The following PLB1 variants were observed in gnomAD, a reference collection of about 807,000 sequenced individuals.
PLB1 encodes phospholipase B1, membrane-associated.
A neutral mutation model predicts 227.4 loss-of-function variants in PLB1; 242 were observed. The ratio of observed to expected loss-of-function variants is 1.06; its 90% CI spans 0.96 to 1.18. The LOEUF (loss-of-function observed/expected upper bound fraction) is 1.18, where lower values mean the gene tolerates loss of function less well. PLB1 is among the 50% of genes most tolerant of loss of function. The pLI, the probability that PLB1 is intolerant of heterozygous loss-of-function variation, is 0.00. For missense variants in PLB1, 1,858 were observed against 1,816.3 expected (o/e 1.02, Z -0.42); for synonymous variants, 757 against 682.2 (o/e 1.11, Z -1.71).
intron 4 of PLB1, among the ~76,000 whole-genome samples, chr2:28,524,764 A>G (rs1236676207): frequency 1.3e-5 from 2 of 151,762 alleles, no homozygotes; most frequent in Non-Finnish European, 2.9e-5. Context: ...TCTGACAAAC[A>G]TGCTGCAGAG....
chr2:28,499,594 G>A (rs1022614611), intron 1 of PLB1, among the ~76,000 whole-genome samples: 1 of 151,502 alleles, frequency 6.6e-6, no homozygotes, highest in African/African-American at 2.4e-5. Flanking sequence ...AGTTCAAAAG[G>A]AAAATGTTAA....
Position 28,626,519 on chromosome 2 carries a change from G to T in PLB1, c.3660+11G>T, listed in dbSNP as rs770870766. 1 of 1,611,802 alleles carries T rather than the reference G, an allele frequency of 6.2e-7. No individual in the cohort carries two copies. Among genetic ancestry groups the T allele is most frequent in the South Asian group, 1.1e-5 (1 of 91,044 alleles). ...TACTGTGAGAATCCGGTAGGCCCCCGACCAACCCCATGGGGACCTGAGAAG... is the reference window on the plus strand; with the variant it reads ...TACTGTGAGAATCCGGTAGGCCCCCTACCAACCCCATGGGGACCTGAGAAG... On this transcript the variant is annotated intron_variant, in intron 51 of 57. Transcript: ENST00000327757.
Position 28,516,834 on chromosome 2 carries a change from A to G in PLB1, c.82A>G (p.Arg28Gly). ...QGTPQIHTSP[R>G]KSTLEGQLWP... Reference sequence around the variant, plus strand: ...GACCCCTCAGATCCATACCTCTCCTAGAAAGAGTACATTGGAAGGGCAGCT... The same window carrying G: ...GACCCCTCAGATCCATACCTCTCCTGGAAAGAGTACATTGGAAGGGCAGCT... The change falls in exon 2 of 58, where the codon AGA becomes GGA. Residue 28 changes from arginine (R) to glycine (G), a missense_variant. Physicochemically the swap from Arg to Gly is moderately radical, Grantham distance 125 (BLOSUM62 -2). Coordinates refer to ENST00000327757, the MANE Select transcript of PLB1 (RefSeq NM_153021.5). 1.2e-6 allele frequency: 2 copies of G among 1,613,936 alleles called. No homozygotes were observed. The highest frequency in any genetic ancestry group is 1.7e-6 in the Non-Finnish European group (2 of 1,179,818).
chr2:28,613,639 A>G (rs1465075108), intron 43 of PLB1, among the ~76,000 whole-genome samples: 1 of 152,228 alleles, frequency 6.6e-6, no homozygotes, highest in Admixed American at 6.5e-5. Context: ...CATTACAGAT[A>G]CTCAAATATA....
chr2:28,533,813 A>T (rs960753661), intron 9 of PLB1, among the ~76,000 whole-genome samples: 11 of 152,172 alleles, frequency 7.2e-5, no homozygotes, highest in African/African-American at 2.4e-4. Context: ...GCATGCTTTC[A>T]TGTATTTATG....
chr2:28,623,125 A>G (rs1182545253), intron 49 of PLB1, among the ~76,000 whole-genome samples: 1 of 152,210 alleles, frequency 6.6e-6, no homozygotes, highest in Non-Finnish European at 1.5e-5. Flanking sequence ...CCCAGAAGGG[A>G]CCCCTGAAAT....
At position 28,589,880 on chromosome 2, in the gene PLB1, C is replaced by A. The variant is rs144444183; in HGVS notation, c.2016+110C>A. 3.0e-6 allele frequency: 4 copies of A among 1,352,732 alleles called. No individual in the cohort carries two copies. In the African/African-American group the frequency reaches 5.8e-5, roughly 19 times the overall value. 83.8% of individuals were successfully genotyped at this position (1,352,732 alleles called of 1,614,324 possible). On this transcript the variant is annotated intron_variant, in intron 28 of 57. Transcript: ENST00000327757. Reference sequence around the variant, plus strand: ...CGTGCAGGCCATGTGATTCTATGCACGGCAATGACAAACAAACCCCATCTC... The same window carrying A: ...CGTGCAGGCCATGTGATTCTATGCAAGGCAATGACAAACAAACCCCATCTC...
rs781328044 is a variant in PLB1 at position 28,582,441 on chromosome 2, G to A, written c.1669G>A (p.Glu557Lys). The A allele has an allele frequency of 5.6e-6, 9 of 1,613,266 alleles. No homozygotes were observed. Among genetic ancestry groups the A allele is most frequent in the Admixed American group, 1.7e-5 (1 of 59,958 alleles). Residue 557 changes from glutamate to lysine, a missense_variant, in exon 25 of 58, where the codon GAG (glutamate) becomes AAG (lysine). By Grantham distance (56) the Glu-to-Lys change is moderately conservative. Coordinates refer to ENST00000327757, the MANE Select transcript of PLB1 (RefSeq NM_153021.5). ...RAFVNLVTVL[E>K]IVNLRELYQE... ...ATTTGTGAACCTGGTGACGGTGCTT[G>A]AGATCGTCAACCTGAGGGAGCTGTA...
intron 44 of PLB1, among the ~76,000 whole-genome samples, chr2:28,614,915 G>A (rs369049727): frequency 6.6e-6 from 1 of 152,158 alleles, no homozygotes; most frequent in African/African-American, 2.4e-5. Context: ...GATGGATCCC[G>A]GCCCTCACGT....
At chr2:28,592,580 A>G in intron 31 of PLB1, 81 bp from the exon 32 acceptor site, 5 of 1,398,686 alleles carry the variant, frequency 3.6e-6, no homozygotes, top group South Asian at 2.3e-5. Context: ...TGTGTTTTGG[A>G]TCTTGCTTGA....
intron 15 of PLB1, among the ~76,000 whole-genome samples, chr2:28,549,265 G>C (rs1245117740): frequency 6.6e-6 from 1 of 152,148 alleles, no homozygotes; most frequent in Non-Finnish European, 1.5e-5. Flanking sequence ...TGGCAAAGAA[G>C]GGAGGGATGG....
intron 31 of PLB1, 106 bp from the exon 32 acceptor site, chr2:28,592,555 A>C (rs1419047595): frequency 9.1e-7 from 1 of 1,099,578 alleles, no homozygotes; most frequent in Admixed American, 1.7e-5. Flanking sequence ...GCATGGCCCC[A>C]GTGCTCATGC....
intron 20 of PLB1, among the ~76,000 whole-genome samples, chr2:28,568,880 C>T (rs1171158151): frequency 6.6e-6 from 1 of 152,200 alleles, no homozygotes; most frequent in Admixed American, 6.5e-5. Flanking sequence ...TGGTTCCTCC[C>T]TATGATATTC....
chr2:28,629,475 C>T (rs763728214), intron 53 of PLB1, among the ~76,000 whole-genome samples: 6 of 152,222 alleles, frequency 3.9e-5, no homozygotes, highest in Non-Finnish European at 5.9e-5. Context: ...AACCTTGGCA[C>T]GCTGCTCCCT....
At chr2:28,575,318 G>C (rs1261799619) in intron 21 of PLB1, among the ~76,000 whole-genome samples, 1 of 152,054 alleles carries the variant, frequency 6.6e-6, no homozygotes, top group Non-Finnish European at 1.5e-5. Context: ...CTTCTTTTTA[G>C]AATTGACCAT....
intron 6 of PLB1, among the ~76,000 whole-genome samples, chr2:28,527,402 CCAG>C (rs1670414947): frequency 6.6e-6 from 1 of 152,196 alleles, no homozygotes; most frequent in South Asian, 2.1e-4. Context: ...GGTGGCTGAG[CCAG>C]CAGGAGGAGC....
intron 1 of PLB1, among the ~76,000 whole-genome samples, chr2:28,516,235 G>A (rs1003206084): frequency 7.9e-5 from 12 of 152,078 alleles, no homozygotes; most frequent in African/African-American, 2.7e-4. Context: ...AGTAAGCTGG[G>A]ACAAGGACAG....
At chr2:28,550,869 TC>T (rs1435321671) in intron 16 of PLB1, among the ~76,000 whole-genome samples, 3 of 152,090 alleles carry the variant, frequency 2.0e-5, no homozygotes, top group Non-Finnish European at 2.9e-5. Flanking sequence ...ATCCTGGAAC[TC>T]CCGCTGCCCC....
In PLB1 at chr2:28,562,540, C is replaced by CAAAAAAAAAAAAAAAAAAAAAAAAA. The variant is rs60393903; in HGVS notation, c.1148-482_1148-481insAAAAAAAAAAAAAAAAAAAAAAAAA. Among the ~76,000 whole-genome samples, 5 of 42,600 alleles carry CAAAAAAAAAAAAAAAAAAAAAAAAA rather than the reference C, an allele frequency of 1.2e-4. 1 individual carries two copies. The highest frequency in any genetic ancestry group is 1.1e-4 in the African/African-American group (1 of 9,014). The allele number at this position is 42,600 out of a possible 152,430, so 27.9% of individuals were successfully genotyped here. ...CTGGAGACAGAGCAAGACTCTGTCT[C>CAAAAAAAAAAAAAAAAAAAAAAAAA]AAAAAAAAAAAAAAAAAAAGTCAGT... On this transcript the variant is annotated intron_variant, in intron 17 of 57. Coordinates refer to ENST00000327757, the MANE Select transcript of PLB1 (RefSeq NM_153021.5).
Sources: allele counts gnomAD v4.1 joint callset (sites outside exome capture counted in the v4.1 genomes callset), GRCh38; gene constraint gnomAD v4.1.1; transcripts MANE v1.5; gene names NCBI Gene and HGNC (gene_info 2026-07-23, HGNC 2026-07-21).